The following CRTC3 variants were observed in gnomAD, a reference collection of about 807,000 sequenced individuals.
CRTC3 encodes the protein CREB regulated transcription coactivator 3.
CRTC3 carries 26 observed loss-of-function variants against 74.5 expected under a neutral mutation model. That is an observed-to-expected ratio of 0.35 (90% CI 0.26 to 0.48). CRTC3 has a LOEUF of 0.48. CRTC3 is among the 20% of genes least tolerant of loss of function. CRTC3 has a pLI of 0.99. For synonymous variants in CRTC3, 377 were observed against 325.8 expected (o/e 1.16, Z -1.69); for missense variants, 760 against 787.3 (o/e 0.97, Z 0.41).
At chr15:90,591,692 G>A (rs554288538) in intron 2 of CRTC3, among the ~76,000 whole-genome samples, 1 of 152,324 alleles carries the variant, frequency 6.6e-6, no homozygotes, top group African/African-American at 2.4e-5. Context: ...GGCATGCACT[G>A]TAGTCCCAGC....
chr15:90,593,087 A>G (rs1967839170), intron 2 of CRTC3, among the ~76,000 whole-genome samples: 1 of 152,168 alleles, frequency 6.6e-6, no homozygotes, highest in Non-Finnish European at 1.5e-5. Context: ...TGGGAGGCGG[A>G]GGTTGCAGTG....
chr15:90,577,595 T>C (rs992629946), intron 2 of CRTC3, among the ~76,000 whole-genome samples: 3 of 152,322 alleles, frequency 2.0e-5, no homozygotes, highest in Admixed American at 6.5e-5. Flanking sequence ...CCCATGTTTA[T>C]TGCAGCACTA....
At chr15:90,636,436 C>T (rs1257272298) in intron 11 of CRTC3, among the ~76,000 whole-genome samples, 1 of 148,262 alleles carries the variant, frequency 6.7e-6, no homozygotes, top group Non-Finnish European at 1.5e-5. Flanking sequence ...AAATGTTAGA[C>T]CTAAAACCAT....
chr15:90,578,446 C>G (rs868474080), intron 2 of CRTC3, among the ~76,000 whole-genome samples: 5 of 151,756 alleles, frequency 3.3e-5, no homozygotes, highest in South Asian at 4.2e-4. Context: ...ACTAACTACT[C>G]GGGAGGCTGA....
chr15:90,543,676 T>TG (rs1380607688), intron 2 of CRTC3, among the ~76,000 whole-genome samples: 1 of 152,214 alleles, frequency 6.6e-6, no homozygotes, highest in Non-Finnish European at 1.5e-5. Context: ...GAAAAATTCT[T>TG]GAAAAACTGA....
chr15:90,616,991 C>T (rs1968509822), intron 7 of CRTC3, among the ~76,000 whole-genome samples: 1 of 152,160 alleles, frequency 6.6e-6, no homozygotes, highest in Non-Finnish European at 1.5e-5. Flanking sequence ...GTTCTCTCCT[C>T]ATCCCTCTTC....
chr15:90,614,800 A>C (rs1452449866), intron 7 of CRTC3, among the ~76,000 whole-genome samples: 1 of 152,240 alleles, frequency 6.6e-6, no homozygotes, highest in Non-Finnish European at 1.5e-5. Flanking sequence ...ACAGTGGCTC[A>C]TGCCTGTAAT....
At chr15:90,610,583 A>C (rs1968333311) in intron 6 of CRTC3, among the ~76,000 whole-genome samples, 1 of 152,242 alleles carries the variant, frequency 6.6e-6, no homozygotes, top group Admixed American at 6.5e-5. Context: ...GACAGAAATA[A>C]ATTTTTATGG....
chr15:90,537,127 A>G (rs184437906), intron 1 of CRTC3, among the ~76,000 whole-genome samples: 1 of 152,354 alleles, frequency 6.6e-6, no homozygotes, highest in Admixed American at 6.5e-5. Context: ...GGTGTTGAAG[A>G]CAGTCTCAAA....
intron 2 of CRTC3, among the ~76,000 whole-genome samples, chr15:90,559,486 T>C (rs1966966621): frequency 1.3e-5 from 2 of 152,304 alleles, no homozygotes; most frequent in Middle Eastern, 3.4e-3. Flanking sequence ...TCTCTAAACT[T>C]TAATATCCTT....
intron 1 of CRTC3, among the ~76,000 whole-genome samples, chr15:90,531,410 C>G (rs964256520): frequency 9.2e-5 from 14 of 152,232 alleles, no homozygotes; most frequent in Admixed American, 2.6e-4. Flanking sequence ...CCACCGTCCA[C>G]TCTCTGTCAC....
At chr15:90,531,189 G>T (rs1325616994) in intron 1 of CRTC3, among the ~76,000 whole-genome samples, 5 of 152,182 alleles carry the variant, frequency 3.3e-5, no homozygotes. Flanking sequence ...TATTGAATCT[G>T]TTGCCAGAAT....
intron 1 of CRTC3, among the ~76,000 whole-genome samples, chr15:90,532,190 C>T (rs1435210085): frequency 6.6e-6 from 1 of 152,190 alleles, no homozygotes; most frequent in Non-Finnish European, 1.5e-5. Flanking sequence ...CACTGCTTGG[C>T]TCCACCGTGT....
intron 8 of CRTC3, among the ~76,000 whole-genome samples, chr15:90,618,584 T>G (rs181330750): frequency 6.6e-6 from 1 of 152,336 alleles, no homozygotes; most frequent in African/African-American, 2.4e-5. Flanking sequence ...CTGTGTTGAC[T>G]TTGAAAGAAA....
intron 5 of CRTC3, among the ~76,000 whole-genome samples, chr15:90,604,859 A>AT (rs1567181212): frequency 1.3e-5 from 2 of 151,924 alleles, no homozygotes; most frequent in Non-Finnish European, 2.9e-5. Flanking sequence ...TACCTCAGCC[A>AT]TTTTTTTTCA....
chr15:90,576,227 G>T (rs188156243), intron 2 of CRTC3, among the ~76,000 whole-genome samples: 3 of 152,160 alleles, frequency 2.0e-5, no homozygotes, highest in Non-Finnish European at 4.4e-5. Context: ...AACACAATGA[G>T]ACTCCATCTC....
At chr15:90,638,909 C>G (rs1318752990) in intron 13 of CRTC3, 94 bp downstream of exon 13, 2 of 1,030,548 alleles carry the variant, frequency 1.9e-6, no homozygotes, top group South Asian at 1.3e-5. Context: ...GCAGACCAGA[C>G]ATGCCACTTT....
intron 2 of CRTC3, among the ~76,000 whole-genome samples, chr15:90,551,816 A>G (rs1290851444): frequency 6.6e-6 from 1 of 152,296 alleles, no homozygotes; most frequent in Admixed American, 6.5e-5. Context: ...TCAAAAAAGG[A>G]TGCCCCCAAA....
chr15:90,627,867 G>A (rs1233161096), intron 10 of CRTC3, among the ~76,000 whole-genome samples: 6 of 130,640 alleles, frequency 4.6e-5, no homozygotes, highest in Non-Finnish European at 9.8e-5. Context: ...ACCCGCCTCG[G>A]CCTCCCAAAG....
Sources: allele counts gnomAD v4.1 joint callset (sites outside exome capture counted in the v4.1 genomes callset), GRCh38; gene constraint gnomAD v4.1.1; transcripts MANE v1.5; gene names NCBI Gene and HGNC (gene_info 2026-07-23, HGNC 2026-07-21).